The following SBK3 variants were observed in gnomAD, a reference collection of about 807,000 sequenced individuals.
SBK3 encodes uncharacterized serine/threonine-protein kinase SBK3.
SBK3 carries 16 observed loss-of-function variants against 12.7 expected under a neutral mutation model. The ratio of observed to expected loss-of-function variants is 1.26; its 90% CI spans 0.86 to 1.92. The LOEUF (loss-of-function observed/expected upper bound fraction) is 1.92. Among genes scored for constraint, SBK3 ranks in the 40% most tolerant of loss-of-function variants. SBK3 has a pLI of 0.00. For synonymous variants in SBK3, 217 were observed against 213.6 expected, an observed-to-expected ratio of 1.02 and a Z score of -0.14; for missense variants, 462 against 481.8, an observed-to-expected ratio of 0.96 and a Z score of 0.38.
At chr19:55,544,692 GA>G in intron 2 of SBK3, 106 bp downstream of exon 2, 1 of 1,133,220 alleles carries the variant, frequency 8.8e-7, no homozygotes. Flanking sequence ...CCCCCACTGA[GA>G]AGGGTCCCCA....
Position 55,545,479 on chromosome 19 carries a change from C to A in SBK3, c.45+20G>T. Reference sequence around the variant, plus strand: ...CTTCTTTTCTCTCTCTGTCTTCCTCCCCTGGCTCCCGTCTCTCACCTCTGG... The same window carrying A: ...CTTCTTTTCTCTCTCTGTCTTCCTCACCTGGCTCCCGTCTCTCACCTCTGG... On this transcript the variant is annotated intron_variant, in intron 1 of 3. Transcript: ENST00000612221. The surrounding 1 kb of genome is among the most constrained non-coding windows in gnomAD (Gnocchi z 4.4). The A allele has an allele frequency of 4.6e-6, 7 of 1,520,456 alleles. No homozygotes were observed. Among genetic ancestry groups the A allele is most frequent in the Non-Finnish European group, 5.3e-6 (6 of 1,133,338 alleles). 94.2% of individuals were successfully genotyped at this position (1,520,456 alleles called of 1,614,324 possible).
chr19:55,544,730 T>C, intron 2 of SBK3, 69 bp downstream of exon 2: 1 of 1,406,440 alleles, frequency 7.1e-7, no homozygotes, highest in Non-Finnish European at 9.3e-7. Context: ...ATGCCCCCTG[T>C]CTGGGTGGCT....
Position 55,541,384 on chromosome 19 carries a change from AG to A in SBK3, c.541del (p.Leu181TrpfsTer6). The A allele has an allele frequency of 6.5e-7, 1 of 1,535,820 alleles. No homozygotes were observed. ...VFDPVCSRVA[L>X]GDLGLTRPEG... Reference sequence around the variant, plus strand: ...TGGCCGGGTCAGACCCAGGTCTCCCAGGGCCACACGGCTGCAGACCGGGTCG... The same window carrying A: ...TGGCCGGGTCAGACCCAGGTCTCCCAGGCCACACGGCTGCAGACCGGGTCG... On this transcript the variant is annotated frameshift_variant, in exon 4 of 4. Transcript: ENST00000612221. LOFTEE classifies it low-confidence loss of function (END_TRUNC). The surrounding 1 kb of genome is among the most constrained non-coding windows in gnomAD (Gnocchi z 5.3).
chr19:55,544,387 C>A, intron 2 of SBK3, 85 bp from the exon 3 acceptor site: 1 of 1,078,956 alleles, frequency 9.3e-7, no homozygotes, highest in Non-Finnish European at 1.3e-6. Context: ...ACTCTCTGAG[C>A]CTCACACTTC....
Position 55,541,291 on chromosome 19 carries a change from A to T in SBK3, c.635T>A (p.Leu212Gln), listed in dbSNP as rs1409532856. 1 of 1,535,708 alleles carries T rather than the reference A, an allele frequency of 6.5e-7. No homozygotes were observed. The highest frequency in any genetic ancestry group is 8.7e-7 in the Non-Finnish European group (1 of 1,146,766). ...PTAPPELCLL[L>Q]PPDTLPLRPA... Reference sequence around the variant, plus strand: ...CCGCAGAGGCAGGGTGTCGGGCGGTAGCAGGAGACAGAGCTCAGGCGGTGC... The same window carrying T: ...CCGCAGAGGCAGGGTGTCGGGCGGTTGCAGGAGACAGAGCTCAGGCGGTGC... The change falls in exon 4 of 4, where the codon CTA becomes CAA. Residue 212 changes from leucine (L) to glutamine (Q), a missense_variant. Transcript: ENST00000612221. The surrounding 1 kb of genome is among the most constrained non-coding windows in gnomAD (Gnocchi z 5.3).
chr19:55,543,193 C>A (rs1267908009), intron 3 of SBK3, among the ~76,000 whole-genome samples: 1 of 140,932 alleles, frequency 7.1e-6, no homozygotes, highest in African/African-American at 2.7e-5. Flanking sequence ...ACCCACCCAC[C>A]CATCCATCCA....
chr19:55,542,891 T>C (rs1988590073), intron 3 of SBK3, among the ~76,000 whole-genome samples: 1 of 137,854 alleles, frequency 7.3e-6, no homozygotes, highest in Admixed American at 7.2e-5. Context: ...CACCAATCCT[T>C]TCATCCATCC....
Position 55,541,035 on chromosome 19 carries a change from T to TG in SBK3, c.890dup (p.Leu298ThrfsTer30). 2 of 1,535,812 alleles carry TG rather than the reference T, an allele frequency of 1.3e-6. No homozygotes were observed. The highest frequency in any genetic ancestry group is 8.7e-7 in the Non-Finnish European group (1 of 1,146,816). On this transcript the variant is annotated frameshift_variant, in exon 4 of 4. Transcript: ENST00000612221. LOFTEE classifies it low-confidence loss of function (END_TRUNC). This position sits in a 1 kb window ranked among gnomAD's most constrained non-coding sequence, Gnocchi z 5.3. ...CCCCCAGGAAGTCCAGGACAGCCAG[T>TG]GGGGGGCTCCTAGTCTCGGGATCCA...
chr19:55,544,926 T>C lies in SBK3; in HGVS notation c.69A>G (p.Gln23=). 1.3e-6 allele frequency: 2 copies of C among 1,533,666 alleles called. No individual in the cohort carries two copies. The highest frequency in any genetic ancestry group is 1.7e-6 in the Non-Finnish European group (2 of 1,146,088). Residue 23 remains glutamine, a synonymous_variant, in exon 2 of 4, where the codon CAA becomes CAG. Transcript: ENST00000612221. ...TGCTGGTCGTCAGCTCCACCAGCCGTTGGAGGGCTGTGGCTGTGTCCTCCT... is the reference window on the plus strand; with the variant it reads ...TGCTGGTCGTCAGCTCCACCAGCCGCTGGAGGGCTGTGGCTGTGTCCTCCT... ...DPEEDTATAL[Q]RLVELTTSRV...
chr19:55,542,507 C>T (rs1988575243), intron 3 of SBK3, among the ~76,000 whole-genome samples: 1 of 149,250 alleles, frequency 6.7e-6, no homozygotes, highest in Non-Finnish European at 1.5e-5. Flanking sequence ...ACCCACCAAT[C>T]CTTCCTTCCA....
intron 2 of SBK3, 81 bp downstream of exon 2, chr19:55,544,718 G>A: frequency 7.4e-7 from 1 of 1,348,996 alleles, no homozygotes; most frequent in South Asian, 1.5e-5. Context: ...CTCCTCCTGG[G>A]AATGCCCCCT....
At position 55,541,161 on chromosome 19, in the gene SBK3, G is replaced by A. The variant is rs1432542340; in HGVS notation, c.765C>T (p.Phe255=). 26 of 1,535,794 alleles carry A rather than the reference G, an allele frequency of 1.7e-5. No homozygotes were observed. Among genetic ancestry groups the A allele is most frequent in the East Asian group, 2.4e-5 (1 of 40,930 alleles). ...ALAPNPEFEA[F]AGWVTTKPQP... ...GAGGCTTGGTGGTCACCCAGCCAGC[G>A]AAGGCCTCGAACTCAGGGTTGGGGG... The change falls in exon 4 of 4, where the codon TTC becomes TTT. Residue 255 remains phenylalanine (F), a synonymous_variant. Coordinates refer to ENST00000612221, the MANE Select transcript of SBK3 (RefSeq NM_001199824.2). The surrounding 1 kb of genome is among the most constrained non-coding windows in gnomAD (Gnocchi z 5.3).
At chr19:55,542,985 G>T (rs1419215364) in intron 3 of SBK3, among the ~76,000 whole-genome samples, 1 of 28,738 alleles carries the variant, frequency 3.5e-5, no homozygotes, top group Non-Finnish European at 6.4e-5. Flanking sequence ...TCCACCCACG[G>T]ATCCTTCCAT....
Position 55,545,060 on chromosome 19 carries a change from G to A in SBK3, c.46-111C>T, listed in dbSNP as rs1988645494. 7.6e-6 allele frequency: 6 copies of A among 784,560 alleles called. No homozygotes were observed. Among genetic ancestry groups the A allele is most frequent in the Admixed American group, 2.9e-5 (1 of 34,574 alleles). The allele number at this position is 784,560 out of a possible 1,614,324, so 48.6% of individuals were successfully genotyped here. A position where few individuals can be genotyped will look rare whatever the true frequency, so the allele number is the denominator to read the frequency against. On this transcript the variant is annotated intron_variant, in intron 1 of 3. Coordinates refer to ENST00000612221, the MANE Select transcript of SBK3 (RefSeq NM_001199824.2). The surrounding 1 kb of genome is among the most constrained non-coding windows in gnomAD (Gnocchi z 4.4). ...ATGGAGGGTGGGGCAGGGGACAGGGGTCACTGTCCCCAGAGAGGAGGATGA... is the reference window on the plus strand; with the variant it reads ...ATGGAGGGTGGGGCAGGGGACAGGGATCACTGTCCCCAGAGAGGAGGATGA...
chr19:55,544,392 C>T (rs948008099), intron 2 of SBK3, 90 bp from the exon 3 acceptor site: 234 of 1,044,444 alleles, frequency 2.2e-4, no homozygotes, highest in Non-Finnish European at 3.0e-4. Context: ...CTGAGCCTCA[C>T]ACTTCTCATG....
rs1190936667 is a variant in SBK3, at chr19:55,541,472, C to T, written c.454G>A (p.Asp152Asn). 2 of 1,531,160 alleles carry T rather than the reference C, an allele frequency of 1.3e-6. No homozygotes were observed. Among genetic ancestry groups the T allele is most frequent in the Non-Finnish European group, 1.7e-6 (2 of 1,143,336 alleles). The allele number at this position is 1,531,160 out of a possible 1,614,324, so 94.8% of individuals were successfully genotyped here. A position where few individuals can be genotyped will look rare whatever the true frequency, so the allele number is the denominator to read the frequency against. ...ACCAGCCCCCGGCTGTGGAGGAAGT[C>T]CAGAGCTCCTGCCAACTGGGCCACC... ...RVVAQLAGAL[D>N]FLHSRGLVHA... is the part of the protein sequence containing the mutation. The change falls in exon 4 of 4, where the codon GAC (aspartate) becomes AAC (asparagine). Residue 152 changes from aspartate (D) to asparagine (N), a missense_variant. Physicochemically the swap from Asp to Asn is conservative, Grantham distance 23 (BLOSUM62 1). Coordinates refer to ENST00000612221, the MANE Select transcript of SBK3 (RefSeq NM_001199824.2). The surrounding 1 kb of genome is among the most constrained non-coding windows in gnomAD (Gnocchi z 5.3).
In SBK3 at chr19:55,541,383, C is replaced by G. The variant is rs1160009149; in HGVS notation, c.543G>C (p.Leu181=). 2 of 1,535,688 alleles carry G rather than the reference C, an allele frequency of 1.3e-6. No homozygotes were observed. The highest frequency in any genetic ancestry group is 2.7e-5 in the African/African-American group (2 of 73,038). The stretch of plus-strand genomic sequence containing the variant: ...CTGGCCGGGTCAGACCCAGGTCTCC[C>G]AGGGCCACACGGCTGCAGACCGGGT... ...VFDPVCSRVA[L]GDLGLTRPEG... Residue 181 remains leucine (L), a synonymous_variant, in exon 4 of 4, where the codon CTG becomes CTC. Coordinates refer to ENST00000612221, the MANE Select transcript of SBK3 (RefSeq NM_001199824.2). The surrounding 1 kb of genome is among the most constrained non-coding windows in gnomAD (Gnocchi z 5.3).
Position 55,541,624 on chromosome 19 carries a change from C to G in SBK3, c.400-98G>C. Reference sequence around the variant, plus strand: ...CAAACTCCTGGCCTCAAGCGATCCTCCTGCCTTGGCCTCCCAAAGTGCTGG... The same window carrying G: ...CAAACTCCTGGCCTCAAGCGATCCTGCTGCCTTGGCCTCCCAAAGTGCTGG... On this transcript the variant is annotated intron_variant, in intron 3 of 3. Transcript: ENST00000612221. This position sits in a 1 kb window ranked among gnomAD's most constrained non-coding sequence, Gnocchi z 5.3. 4 of 948,544 alleles carry G rather than the reference C, an allele frequency of 4.2e-6. No homozygotes were observed. The highest frequency in any genetic ancestry group is 6.1e-6 in the Non-Finnish European group (4 of 656,094). 58.8% of individuals were successfully genotyped at this position (948,544 alleles called of 1,614,324 possible).
At chr19:55,543,227 CCCAT>C (rs1478950266) in intron 3 of SBK3, among the ~76,000 whole-genome samples, 5 of 127,392 alleles carry the variant, frequency 3.9e-5, no homozygotes, top group Non-Finnish European at 8.3e-5. Flanking sequence ...CATCCACCCA[CCCAT>C]CCATCCACCC....
Sources: allele counts gnomAD v4.1 joint callset (sites outside exome capture counted in the v4.1 genomes callset), GRCh38; gene constraint gnomAD v4.1.1; non-coding constraint Gnocchi (gnomAD v3.1); transcripts MANE v1.5; gene names NCBI Gene and HGNC (gene_info 2026-07-23, HGNC 2026-07-21).